Variants in SLC14A2 observed in about 807,000 individuals in gnomAD.
SLC14A2 encodes the protein solute carrier family 14 member 2.
SLC14A2 carries 91 observed loss-of-function variants against 104.6 expected under a neutral mutation model. The ratio of observed to expected loss-of-function variants is 0.87; its 90% CI spans 0.73 to 1.04. The LOEUF is 1.04. SLC14A2 is among the 50% of genes least tolerant of loss of function. The pLI, the probability that SLC14A2 is intolerant of heterozygous loss-of-function variation, is 0.00. For missense variants in SLC14A2, 1,189 were observed against 1,156.0 expected (o/e 1.03, Z -0.41); for synonymous variants, 476 against 466.4 (o/e 1.02, Z -0.27).
intron 2 of SLC14A2, among the ~76,000 whole-genome samples, chr18:45,522,113 A>G (rs1371395270): frequency 6.6e-6 from 1 of 152,202 alleles, no homozygotes; most frequent in East Asian, 1.9e-4. Context: ...TTTGCACATC[A>G]TATCAGTGGA....
the SLC14A2 span, among the ~76,000 whole-genome samples, chr18:45,192,900 T>C: frequency 2.0e-5 from 3 of 152,054 alleles, no homozygotes; most frequent in Admixed American, 2.0e-4. Context: ...TCGTTATCCA[T>C]CACCCTGACC....
At chr18:45,195,568 T>G in the SLC14A2 span, among the ~76,000 whole-genome samples, 1 of 152,132 alleles carries the variant, frequency 6.6e-6, no homozygotes. Context: ...ATTTTTGTAT[T>G]TTTAGTAGAG....
intron 1 of SLC14A2, among the ~76,000 whole-genome samples, chr18:45,344,790 T>C (rs1201551430): frequency 6.6e-6 from 1 of 152,144 alleles, no homozygotes; most frequent in African/African-American, 2.4e-5. Flanking sequence ...AGAAGCCACA[T>C]CAATTAGGCA....
At chr18:45,183,639 T>TTTTCCTTTTC in the SLC14A2 span, among the ~76,000 whole-genome samples, 1 of 115,268 alleles carries the variant, frequency 8.7e-6, no homozygotes, top group Non-Finnish European at 2.0e-5. Context: ...CTTTCCTTTC[T>TTTTCCTTTTC]TTTCCTTTTC....
intron 16 of SLC14A2, among the ~76,000 whole-genome samples, chr18:45,671,231 A>T (rs1013106376): frequency 2.0e-5 from 3 of 152,186 alleles, no homozygotes; most frequent in Non-Finnish European, 2.9e-5. Context: ...GAAATGGAAA[A>T]AAATGAATAA....
At chr18:45,225,783 C>G (rs2084109942) in intron 1 of SLC14A2, among the ~76,000 whole-genome samples, 1 of 152,076 alleles carries the variant, frequency 6.6e-6, no homozygotes, top group South Asian at 2.1e-4. Context: ...TGATTTGGCT[C>G]TCTGTTTGTC....
chr18:45,338,503 G>A (rs545065176), intron 1 of SLC14A2, among the ~76,000 whole-genome samples: 39 of 151,838 alleles, frequency 2.6e-4, no homozygotes, highest in African/African-American at 9.4e-4. Context: ...GCCCGGCCAA[G>A]TTATCCCACC....
chr18:45,625,628 G>A, intron 2 of SLC14A2, 55 bp from the exon 3 acceptor site: 2 of 1,436,264 alleles, frequency 1.4e-6, no homozygotes, highest in South Asian at 1.4e-5. Context: ...ATCCCCAAAT[G>A]TCCCTGCTCT....
intron 1 of SLC14A2, among the ~76,000 whole-genome samples, chr18:45,460,276 C>T (rs2087020488): frequency 2.0e-5 from 3 of 152,166 alleles, no homozygotes; most frequent in Admixed American, 1.3e-4. Flanking sequence ...TACTGATGGT[C>T]CTCTGTGAAT....
intron 2 of SLC14A2, among the ~76,000 whole-genome samples, chr18:45,524,696 G>T (rs2043566469): frequency 6.6e-6 from 1 of 152,176 alleles, no homozygotes; most frequent in Non-Finnish European, 1.5e-5. Flanking sequence ...AATCTTCATG[G>T]AAAGAACACA....
chr18:45,505,088 G>A (rs918620027), intron 2 of SLC14A2, among the ~76,000 whole-genome samples: 4 of 152,148 alleles, frequency 2.6e-5, no homozygotes, highest in Non-Finnish European at 5.9e-5. Context: ...AGTGACTCTA[G>A]GATCAAAGGG....
intron 10 of SLC14A2, among the ~76,000 whole-genome samples, chr18:45,653,688 G>T (rs1264042114): frequency 6.6e-6 from 1 of 152,054 alleles, no homozygotes; most frequent in African/African-American, 2.4e-5. Context: ...GCTCTGAGAG[G>T]GTCCTGCAGT....
chr18:45,434,120 G>A (rs933314829), intron 1 of SLC14A2, among the ~76,000 whole-genome samples: 2 of 152,242 alleles, frequency 1.3e-5, no homozygotes, highest in African/African-American at 4.8e-5. Flanking sequence ...GGAACCCTAT[G>A]GTCTGAACAT....
At chr18:45,398,288 A>G (rs2086058322) in intron 1 of SLC14A2, among the ~76,000 whole-genome samples, 1 of 152,142 alleles carries the variant, frequency 6.6e-6, no homozygotes, top group Non-Finnish European at 1.5e-5. Flanking sequence ...GAGATCAAGG[A>G]TAGTTGTTAA....
At chr18:45,654,145 A>C (rs56375649) in intron 10 of SLC14A2, among the ~76,000 whole-genome samples, 1 of 150,854 alleles carries the variant, frequency 6.6e-6, no homozygotes, top group African/African-American at 2.4e-5. Context: ...GCTGGGGGGG[A>C]CGTGGGTGAG....
intron 1 of SLC14A2, among the ~76,000 whole-genome samples, chr18:45,369,417 A>T (rs1195660777): frequency 6.6e-6 from 1 of 152,186 alleles, no homozygotes; most frequent in Non-Finnish European, 1.5e-5. Flanking sequence ...GCATTTTAAA[A>T]GAGGTTATTA....
chr18:45,554,748 C>T (rs941292705), intron 2 of SLC14A2, among the ~76,000 whole-genome samples: 1 of 152,048 alleles, frequency 6.6e-6, no homozygotes, highest in African/African-American at 2.4e-5. Flanking sequence ...GGTATAAGAC[C>T]AGTTCCAAGG....
At chr18:45,351,086 C>A (rs1025757105) in intron 1 of SLC14A2, among the ~76,000 whole-genome samples, 2 of 152,060 alleles carry the variant, frequency 1.3e-5, no homozygotes, top group Admixed American at 6.6e-5. Flanking sequence ...GTGTAATTGT[C>A]TTTGTCTTCT....
intron 1 of SLC14A2, among the ~76,000 whole-genome samples, chr18:45,428,178 A>AT (rs1237555761): frequency 6.6e-6 from 1 of 152,210 alleles, no homozygotes; most frequent in Non-Finnish European, 1.5e-5. Flanking sequence ...AAGTTATGTC[A>AT]TTGAACCCAA....
Sources: gnomAD v4.1 joint callset for allele counts (sites outside exome capture counted in the v4.1 genomes callset) on GRCh38, gnomAD v4.1.1 for gene constraint, MANE v1.5 for transcripts, NCBI Gene and HGNC (gene_info 2026-07-23, HGNC 2026-07-21) for gene names.